TLL1: variants seen among roughly 807,000 people sequenced by gnomAD.
TLL1 encodes tolloid like 1.
A neutral mutation model predicts 128.2 loss-of-function variants in TLL1; 49 were observed. That is an observed-to-expected ratio of 0.38 (90% CI 0.30 to 0.48). The LOEUF is 0.48. Ranked by LOEUF, TLL1 falls within the 20% of genes least tolerant of loss-of-function variation. The pLI is 0.96. For missense variants in TLL1, 1,123 were observed against 1,242.0 expected, an observed-to-expected ratio of 0.90 and a Z score of 1.44; for synonymous variants, 454 against 418.8, an observed-to-expected ratio of 1.08 and a Z score of -1.03.
At chr4:166,065,923 A>G in intron 16 of TLL1, 60 bp downstream of exon 16, 1 of 1,543,552 alleles carries the variant, frequency 6.5e-7, no homozygotes, top group Non-Finnish European at 8.9e-7. Context: ...GTTGGATTAA[A>G]TTGTATGTGA....
chr4:165,875,379 A>G (rs985887882), intron 1 of TLL1, among the ~76,000 whole-genome samples: 2 of 152,128 alleles, frequency 1.3e-5, no homozygotes, highest in East Asian at 1.9e-4. Flanking sequence ...CAAAAAGGGT[A>G]TGTGTGTTGT....
intron 9 of TLL1, among the ~76,000 whole-genome samples, chr4:166,025,787 A>T (rs1738467572): frequency 6.6e-6 from 1 of 152,062 alleles, no homozygotes; most frequent in Non-Finnish European, 1.5e-5. Context: ...TTATAATGAA[A>T]ATTGTAAACT....
At chr4:165,933,351 T>C (rs1193246228) in intron 1 of TLL1, among the ~76,000 whole-genome samples, 1 of 152,052 alleles carries the variant, frequency 6.6e-6, no homozygotes, top group Non-Finnish European at 1.5e-5. Flanking sequence ...CTCTCTGGCC[T>C]CCCCTGGGAG....
intron 8 of TLL1, among the ~76,000 whole-genome samples, chr4:166,021,783 T>C (rs984887206): frequency 6.6e-6 from 1 of 152,132 alleles, no homozygotes; most frequent in Non-Finnish European, 1.5e-5. Flanking sequence ...CTTGTCTAGG[T>C]GTCATCCTCT....
intron 1 of TLL1, among the ~76,000 whole-genome samples, chr4:165,895,467 C>G (rs1731626947): frequency 6.6e-6 from 1 of 151,702 alleles, no homozygotes; most frequent in Non-Finnish European, 1.5e-5. Context: ...ACACTGGAAA[C>G]TACAAAATAT....
intron 1 of TLL1, 57 bp downstream of exon 1, chr4:165,874,130 C>G (rs1730618211): frequency 6.2e-7 from 1 of 1,605,358 alleles, no homozygotes; most frequent in Admixed American, 1.7e-5. Context: ...CGCTGGGTTT[C>G]CCATGGGTGG....
chr4:166,047,411 T>G (rs1335481523), intron 12 of TLL1, among the ~76,000 whole-genome samples: 3 of 151,136 alleles, frequency 2.0e-5, no homozygotes, highest in Admixed American at 6.6e-5. Context: ...TGATCTGCCC[T>G]CCTTGGCCTC....
intron 19 of TLL1, among the ~76,000 whole-genome samples, chr4:166,098,738 C>T (rs1846167): frequency 0.5 from 76,192 of 151,872 alleles, 20,105 homozygotes; most frequent in Middle Eastern, 0.6. Flanking sequence ...CACAAACACA[C>T]GCAGAGGAGT....
At chr4:166,014,639 C>T (rs976813468) in intron 8 of TLL1, 79 bp downstream of exon 8, 5 of 1,592,500 alleles carry the variant, frequency 3.1e-6, no homozygotes, top group Non-Finnish European at 4.3e-6. Context: ...ATTTACTCAA[C>T]TGTTTGTTTG....
intron 6 of TLL1, among the ~76,000 whole-genome samples, chr4:166,006,566 A>G (rs1224234839): frequency 6.6e-6 from 1 of 151,744 alleles, no homozygotes; most frequent in East Asian, 1.9e-4. Context: ...TGAAAATCTG[A>G]TCATAGATTT....
intron 1 of TLL1, among the ~76,000 whole-genome samples, chr4:165,988,638 TAATAAA>T (rs1736494654): frequency 6.6e-6 from 1 of 151,718 alleles, no homozygotes; most frequent in South Asian, 2.1e-4. Flanking sequence ...AACTCAAAAA[TAATAAA>T]AATAATAATA....
chr4:166,016,127 G>A (rs888263626), intron 8 of TLL1, among the ~76,000 whole-genome samples: 7 of 151,490 alleles, frequency 4.6e-5, no homozygotes, highest in Admixed American at 2.0e-4. Flanking sequence ...TCATATTTAC[G>A]TAAATCCCTT....
intron 1 of TLL1, among the ~76,000 whole-genome samples, chr4:165,877,870 A>T (rs1730791880): frequency 6.6e-6 from 1 of 151,912 alleles, no homozygotes; most frequent in Admixed American, 6.6e-5. Flanking sequence ...TGAAGAAATT[A>T]GTATTTTTAA....
chr4:165,874,556 T>C (rs1730640485), intron 1 of TLL1, among the ~76,000 whole-genome samples: 1 of 152,208 alleles, frequency 6.6e-6, no homozygotes, highest in African/African-American at 2.4e-5. Context: ...GGAGACACCT[T>C]GGCTCCCTCT....
intron 1 of TLL1, among the ~76,000 whole-genome samples, chr4:165,956,724 T>G (rs1012338056): frequency 3.3e-5 from 5 of 152,052 alleles, no homozygotes; most frequent in Non-Finnish European, 7.4e-5. Flanking sequence ...CATCCTCAGC[T>G]TACAAAGATA....
intron 1 of TLL1, among the ~76,000 whole-genome samples, chr4:165,970,873 G>T (rs981066368): frequency 6.6e-6 from 1 of 152,058 alleles, no homozygotes. Flanking sequence ...CAGGTTTGAC[G>T]CATAGTCTGT....
At chr4:166,099,656 T>C (rs1742202073) in intron 20 of TLL1, 129 bp downstream of exon 20, 2 of 1,277,738 alleles carry the variant, frequency 1.6e-6, no homozygotes, top group Admixed American at 2.1e-5. Context: ...TACATTGTAT[T>C]ATAAATGGCT....
Position 166,025,440 on chromosome 4 carries a change from T to G in TLL1, c.1158+9T>G. ...TGACCCCAGGGGAGAAGGTAGTTTATACCGTCAAGCCCACTATTTTATTCT... is the reference window on the plus strand; with the variant it reads ...TGACCCCAGGGGAGAAGGTAGTTTAGACCGTCAAGCCCACTATTTTATTCT... On this transcript the variant is annotated intron_variant, in intron 9 of 20. Transcript: ENST00000061240. 5 of 1,568,116 alleles carry G rather than the reference T, an allele frequency of 3.2e-6. No homozygotes were observed. The highest frequency in any genetic ancestry group is 4.4e-6 in the Non-Finnish European group (5 of 1,138,298).
Position 166,065,725 on chromosome 4 carries a change from T to C in TLL1, c.2050T>C (p.Ser684Pro). The change falls in exon 16 of 21, where the codon TCT becomes CCT. Residue 684 changes from serine to proline, a missense_variant. Coordinates refer to ENST00000061240, the MANE Select transcript of TLL1 (RefSeq NM_012464.5). Reference sequence around the variant, plus strand: ...TGTGGAGATCTGGAGTGGTCTTTCCTCTGAGTCTAAACTGCATGGCAAATT... The same window carrying C: ...TGTGGAGATCTGGAGTGGTCTTTCCCCTGAGTCTAAACTGCATGGCAAATT... The part of the protein sequence containing the change: ...DYVEIWSGLS[S>P]ESKLHGKFCG... 6.2e-7 allele frequency: 1 copy of C among 1,612,920 alleles called. No individual in the cohort carries two copies. Among genetic ancestry groups the C allele is most frequent in the South Asian group, 1.1e-5 (1 of 91,058 alleles).
Sources: allele counts gnomAD v4.1 joint callset (sites outside exome capture counted in the v4.1 genomes callset), GRCh38; gene constraint gnomAD v4.1.1; transcripts MANE v1.5; gene names NCBI Gene and HGNC (gene_info 2026-07-23, HGNC 2026-07-21).